Variants in PPP2R3A observed in about 807,000 individuals in gnomAD.
The protein encoded by PPP2R3A is serine/threonine-protein phosphatase 2A regulatory subunit B'' subunit alpha.
Under a neutral mutation model 106.9 loss-of-function variants are expected in PPP2R3A, and 80 were observed. The ratio of observed to expected loss-of-function variants is 0.75; its 90% CI spans 0.62 to 0.90. The LOEUF (loss-of-function observed/expected upper bound fraction) is 0.90, where lower values mean the gene tolerates loss of function less well. Among genes scored for constraint, PPP2R3A ranks in the 40% least tolerant of loss-of-function variants. PPP2R3A has a pLI of 0.00. For synonymous variants in PPP2R3A, 483 were observed against 468.3 expected, an observed-to-expected ratio of 1.03 and a Z score of -0.41; for missense variants, 1,386 against 1,350.4, an observed-to-expected ratio of 1.03 and a Z score of -0.41.
intron 5 of PPP2R3A, among the ~76,000 whole-genome samples, chr3:136,062,813 A>G (rs1200435889): frequency 1.3e-5 from 2 of 152,144 alleles, no homozygotes; most frequent in Non-Finnish European, 2.9e-5. Flanking sequence ...CATGGGTAGG[A>G]AGAATCAATA....
At chr3:135,977,914 G>A (rs1937463844) in intron 1 of PPP2R3A, among the ~76,000 whole-genome samples, 2 of 151,808 alleles carry the variant, frequency 1.3e-5, no homozygotes, top group South Asian at 2.1e-4. Context: ...TGCCCAGGCT[G>A]GTCTTGAACT....
At chr3:136,134,425 C>A (rs995873595) in intron 13 of PPP2R3A, among the ~76,000 whole-genome samples, 3 of 152,050 alleles carry the variant, frequency 2.0e-5, no homozygotes, top group African/African-American at 4.8e-5. Flanking sequence ...ACAGGTAATT[C>A]TAAAATAAAT....
chr3:136,061,054 CTG>C (rs1296611156), intron 5 of PPP2R3A, among the ~76,000 whole-genome samples: 2 of 151,930 alleles, frequency 1.3e-5, no homozygotes, highest in African/African-American at 4.8e-5. Flanking sequence ...CAAGAATAAA[CTG>C]TATGAAAACA....
At chr3:135,982,135 A>G (rs544219207) in intron 1 of PPP2R3A, among the ~76,000 whole-genome samples, 30 of 151,852 alleles carry the variant, frequency 2.0e-4, no homozygotes, top group African/African-American at 7.3e-4. Flanking sequence ...GATAGGGTTG[A>G]CAGGTCTTAC....
chr3:136,031,985 G>A (rs187777089), intron 3 of PPP2R3A, among the ~76,000 whole-genome samples: 12 of 152,120 alleles, frequency 7.9e-5, no homozygotes, highest in African/African-American at 1.7e-4. Flanking sequence ...TTGGCCATGC[G>A]GGCTCTTTTT....
At chr3:136,069,481 G>A (rs949700941) in intron 5 of PPP2R3A, among the ~76,000 whole-genome samples, 5 of 152,124 alleles carry the variant, frequency 3.3e-5, no homozygotes, top group Admixed American at 6.5e-5. Flanking sequence ...AGAGGCTGAG[G>A]GATGAGAATC....
intron 5 of PPP2R3A, among the ~76,000 whole-genome samples, chr3:136,054,253 CTTTTTTTTT>C (rs35801926): frequency 2.0e-4 from 16 of 80,728 alleles, no homozygotes; most frequent in Non-Finnish European, 1.3e-4. Context: ...CTTCACAATT[CTTTTTTTTT>C]TTTTTTTTTT....
chr3:136,052,551 C>A (rs1402084046), intron 5 of PPP2R3A, among the ~76,000 whole-genome samples: 3 of 152,156 alleles, frequency 2.0e-5, no homozygotes, highest in South Asian at 4.1e-4. Context: ...CACATGTAAT[C>A]TTTTCGTGAA....
intron 1 of PPP2R3A, among the ~76,000 whole-genome samples, chr3:135,967,740 A>G (rs975524814): frequency 6.6e-6 from 1 of 152,158 alleles, no homozygotes; most frequent in Non-Finnish European, 1.5e-5. Context: ...CCCAAAAAGA[A>G]AACAGATATT....
chr3:136,060,499 C>T lies in PPP2R3A; in HGVS notation c.2470-9979C>T, dbSNP rs569587464. 5.9e-4 allele frequency among the ~76,000 whole-genome samples: 90 copies of T among 152,262 alleles called. 1 individual carries two copies. The highest frequency in any genetic ancestry group is 2.1e-3 in the African/African-American group (89 of 41,548). Reference sequence around the variant, plus strand: ...ACCATCCTCCTAGTGCTGTCTCATACAGTTCTCATGAGATCTGATTGTTTG... The same window carrying T: ...ACCATCCTCCTAGTGCTGTCTCATATAGTTCTCATGAGATCTGATTGTTTG... On this transcript the variant is annotated intron_variant, in intron 5 of 13. Coordinates refer to ENST00000264977, the MANE Select transcript of PPP2R3A (RefSeq NM_002718.5).
At chr3:136,012,235 A>G (rs1033819079) in intron 2 of PPP2R3A, among the ~76,000 whole-genome samples, 3 of 152,218 alleles carry the variant, frequency 2.0e-5, no homozygotes, top group African/African-American at 7.2e-5. Context: ...AGAAGTACAG[A>G]GAACTCTAGA....
At chr3:136,022,989 G>T in intron 2 of PPP2R3A, 1 of 1,581,942 alleles carries the variant, frequency 6.3e-7, no homozygotes, top group South Asian at 1.2e-5. Context: ...CTTCCTACCT[G>T]ACAAGATTGA....
chr3:136,007,736 A>C (rs1000865650), intron 2 of PPP2R3A, among the ~76,000 whole-genome samples: 1 of 152,188 alleles, frequency 6.6e-6, no homozygotes, highest in African/African-American at 2.4e-5. Flanking sequence ...ATTTTGTAAC[A>C]ATTTACTTTC....
intron 1 of PPP2R3A, among the ~76,000 whole-genome samples, chr3:135,967,618 T>G (rs1937124319): frequency 6.6e-6 from 1 of 152,180 alleles, no homozygotes; most frequent in African/African-American, 2.4e-5. Flanking sequence ...CTTCAGAGAC[T>G]CCTCCTTGCT....
intron 1 of PPP2R3A, among the ~76,000 whole-genome samples, chr3:135,970,501 G>C (rs1416972657): frequency 6.6e-6 from 1 of 152,182 alleles, no homozygotes; most frequent in African/African-American, 2.4e-5. Flanking sequence ...TAAAAGGTGA[G>C]AGAAGAATGT....
At chr3:136,065,231 T>A (rs1484227843) in intron 5 of PPP2R3A, among the ~76,000 whole-genome samples, 1 of 152,144 alleles carries the variant, frequency 6.6e-6, no homozygotes, top group Non-Finnish European at 1.5e-5. Context: ...TAGCAAAGAA[T>A]CAATATTTTC....
intron 3 of PPP2R3A, among the ~76,000 whole-genome samples, chr3:136,030,831 C>T (rs954430425): frequency 6.1e-5 from 9 of 147,408 alleles, no homozygotes; most frequent in African/African-American, 2.3e-4. Flanking sequence ...TGTATACACA[C>T]ACACACACAC....
Position 136,053,380 on chromosome 3 carries a change from T to A in PPP2R3A, c.2469+4019T>A, listed in dbSNP as rs1300712514. On this transcript the variant is annotated intron_variant, in intron 5 of 13. Transcript: ENST00000264977. ...TGGATCAAAAAAAAAGAAAAAAAAA[T>A]AAGTGACCAGAAGTAGGCTAAGAAA... 8.0e-5 allele frequency among the ~76,000 whole-genome samples: 12 copies of A among 150,898 alleles called. 1 individual carries two copies. The highest frequency in any genetic ancestry group is 2.7e-4 in the African/African-American group (11 of 41,100).
intron 4 of PPP2R3A, among the ~76,000 whole-genome samples, chr3:136,042,311 A>T (rs1056272478): frequency 1.3e-5 from 2 of 152,208 alleles, no homozygotes; most frequent in East Asian, 3.9e-4. Context: ...GGACACAGGG[A>T]GGGGAACAGC....
Sources: gnomAD v4.1 joint callset for allele counts (sites outside exome capture counted in the v4.1 genomes callset) on GRCh38, gnomAD v4.1.1 for gene constraint, MANE v1.5 for transcripts, NCBI Gene and HGNC (gene_info 2026-07-23, HGNC 2026-07-21) for gene names.